Variants in SINHCAF observed in about 807,000 individuals in gnomAD.
SINHCAF encodes SIN3-HDAC complex associated factor.
In SINHCAF, 3 loss-of-function variants were observed where a neutral mutation model predicts 25.8. The observed-to-expected ratio is 0.12, with a 90% CI of 0.05 to 0.30. The LOEUF (loss-of-function observed/expected upper bound fraction) is 0.30, where lower values mean the gene tolerates loss of function less well. Ranked by LOEUF, SINHCAF falls within the 10% of genes least tolerant of loss-of-function variation. SINHCAF has a pLI of 1.00. For synonymous variants in SINHCAF, 70 were observed against 85.5 expected (o/e 0.82, Z 1.00); for missense variants, 121 against 262.3 (o/e 0.46, Z 3.72).
At chr12:31,320,105 C>T (rs959350191) in intron 1 of SINHCAF, among the ~76,000 whole-genome samples, 2 of 152,186 alleles carry the variant, frequency 1.3e-5, no homozygotes, top group African/African-American at 4.8e-5. Flanking sequence ...TCCCTACATC[C>T]TTTAAACATG....
At chr12:31,319,353 AC>A (rs1343540302) in intron 1 of SINHCAF, among the ~76,000 whole-genome samples, 1 of 152,098 alleles carries the variant, frequency 6.6e-6, no homozygotes, top group African/African-American at 2.4e-5. Context: ...ATGGTGAAAC[AC>A]CGTTTCTACT....
In SINHCAF at chr12:31,313,405, T is replaced by C. The variant is rs543542799; in HGVS notation, c.-21+12619A>G. ...TATGGGGCTGTATCTGAATGCTCTA[T>C]TCTTTTCATATAATTGTATATTATC... On this transcript the variant is annotated intron_variant, in intron 1 of 5. Transcript: ENST00000337682. Among the ~76,000 whole-genome samples the C allele has an allele frequency of 3.5e-3, 527 of 152,358 alleles. 2 individuals carry two copies. The Middle Eastern group carries it at 0.041, about 12-fold the overall frequency.
chr12:31,298,784 A>C (rs147432880), intron 1 of SINHCAF, among the ~76,000 whole-genome samples: 2 of 152,234 alleles, frequency 1.3e-5, no homozygotes, highest in South Asian at 2.1e-4. Flanking sequence ...TAAGCAGTCA[A>C]GTTTGCCCCT....
intron 1 of SINHCAF, among the ~76,000 whole-genome samples, chr12:31,319,219 C>T (rs1002374876): frequency 2.6e-5 from 4 of 152,184 alleles, no homozygotes; most frequent in African/African-American, 9.7e-5. Flanking sequence ...CTCACTAATC[C>T]TGTTTCCTCA....
intron 1 of SINHCAF, among the ~76,000 whole-genome samples, chr12:31,314,929 A>G (rs1352551744): frequency 6.6e-6 from 1 of 152,214 alleles, no homozygotes; most frequent in East Asian, 1.9e-4. Flanking sequence ...GTGGAATCAG[A>G]TGTTCTGCAG....
At chr12:31,284,102 G>A (rs553772580) in intron 5 of SINHCAF, among the ~76,000 whole-genome samples, 62 of 152,208 alleles carry the variant, frequency 4.1e-4, no homozygotes, top group South Asian at 2.1e-3. Flanking sequence ...GAATGGGAAC[G>A]TCTTCAACTT....
Position 31,324,759 on chromosome 12 carries a change from C to G in SINHCAF, c.-21+1265G>C. The stretch of plus-strand genomic sequence containing the variant: ...ATCACCCTGGGTAGGGGTCCGGACC[C>G]CGCGCCCCGAAGAGTCCGGAGCCTG... On this transcript the variant is annotated intron_variant, in intron 1 of 5. Coordinates refer to ENST00000337682, the MANE Select transcript of SINHCAF (RefSeq NM_001135812.2). The surrounding 1 kb of genome is among the most constrained non-coding windows in gnomAD (Gnocchi z 5.5). 2.8e-6 allele frequency: 1 copy of G among 354,104 alleles called. No individual in the cohort carries two copies. Among genetic ancestry groups the G allele is most frequent in the South Asian group, 2.1e-5 (1 of 48,388 alleles). 21.9% of individuals were successfully genotyped at this position (354,104 alleles called of 1,614,324 possible). A position where few individuals can be genotyped will look rare whatever the true frequency, so the allele number is the denominator to read the frequency against.
chr12:31,295,471 A>G (rs1938511323), intron 2 of SINHCAF, 138 bp from the exon 3 acceptor site: 3 of 618,046 alleles, frequency 4.9e-6, no homozygotes, highest in Non-Finnish European at 8.6e-6. Context: ...ATCCCATTCC[A>G]TTGTTTCTAT....
At chr12:31,285,418 T>TACACACACACACAC (rs71444392) in intron 5 of SINHCAF, among the ~76,000 whole-genome samples, 4,253 of 141,352 alleles carry the variant, frequency 0.03, 78 homozygotes, top group Non-Finnish European at 0.039. Flanking sequence ...TATATATACA[T>TACACACACACACAC]ACACACACAC....
chr12:31,322,707 T>C (rs1412550483), intron 1 of SINHCAF, among the ~76,000 whole-genome samples: 1 of 152,210 alleles, frequency 6.6e-6, no homozygotes, highest in Non-Finnish European at 1.5e-5. Flanking sequence ...TCAACTAGTA[T>C]CGATTTTTAG....
At chr12:31,297,496 CAG>C (rs1938598798) in intron 2 of SINHCAF, among the ~76,000 whole-genome samples, 5 of 115,318 alleles carry the variant, frequency 4.3e-5, no homozygotes, top group Admixed American at 4.0e-4. Flanking sequence ...TTTTTTGAGA[CAG>C]AGTCTCATTC....
intron 4 of SINHCAF, among the ~76,000 whole-genome samples, chr12:31,291,094 G>A (rs1333293392): frequency 4.6e-5 from 7 of 152,190 alleles, no homozygotes; most frequent in South Asian, 2.1e-4. Context: ...GCATCAAGTC[G>A]GTAGGGACAA....
chr12:31,290,143 T>G (rs1938246582), intron 4 of SINHCAF, among the ~76,000 whole-genome samples: 1 of 138,966 alleles, frequency 7.2e-6, no homozygotes, highest in African/African-American at 2.8e-5. Context: ...TTTTTGTTTT[T>G]GTTTGTTTGT....
At chr12:31,319,069 A>G (rs1351802934) in intron 1 of SINHCAF, among the ~76,000 whole-genome samples, 1 of 152,102 alleles carries the variant, frequency 6.6e-6, no homozygotes, top group African/African-American at 2.4e-5. Context: ...TTTCAGGGAG[A>G]CTTTAAGGTC....
chr12:31,303,291 G>T, intron 1 of SINHCAF: 1 of 896,612 alleles, frequency 1.1e-6, no homozygotes, highest in Non-Finnish European at 1.3e-6. Context: ...CATACTTCAT[G>T]TCCTTTTGTC....
In SINHCAF at chr12:31,325,337, G is replaced by GCT. The variant is rs1939926737; in HGVS notation, c.-21+685_-21+686dup. The GCT allele has an allele frequency of 2.4e-6, 1 of 422,006 alleles. No homozygotes were observed. Among genetic ancestry groups the GCT allele is most frequent in the African/African-American group, 2.1e-5 (1 of 48,754 alleles). 26.1% of individuals were successfully genotyped at this position (422,006 alleles called of 1,614,324 possible). A position where few individuals can be genotyped will look rare whatever the true frequency, so the allele number is the denominator to read the frequency against. On this transcript the variant is annotated intron_variant, in intron 1 of 5. Transcript: ENST00000337682. This position sits in a 1 kb window ranked among gnomAD's most constrained non-coding sequence, Gnocchi z 5.9. ...GGCTGTTTTTAAGCGACCGCGTGTT[G>GCT]CTCTCATTGTCGCATCCGCATCCCT...
chr12:31,315,217 T>C (rs541012338), intron 1 of SINHCAF, among the ~76,000 whole-genome samples: 14 of 152,234 alleles, frequency 9.2e-5, no homozygotes, highest in South Asian at 2.1e-4. Context: ...TCAGTGATGT[T>C]ATGCCTAAAG....
In SINHCAF at chr12:31,325,273, C is replaced by T. The variant is rs1939922659; in HGVS notation, c.-21+751G>A. On this transcript the variant is annotated intron_variant, in intron 1 of 5. Transcript: ENST00000337682. This position sits in a 1 kb window ranked among gnomAD's most constrained non-coding sequence, Gnocchi z 5.9. ...GAAAGCACCCCGGACACCAGAGGCT[C>T]TTGGGCGCGGTCCGAAGAGGGCAGG... is the stretch of plus-strand genomic sequence containing the variant. 2.2e-6 allele frequency: 1 copy of T among 456,608 alleles called. No individual in the cohort carries two copies. The highest frequency in any genetic ancestry group is 4.4e-6 in the Non-Finnish European group (1 of 226,906). 28.3% of individuals were successfully genotyped at this position (456,608 alleles called of 1,614,324 possible).
At chr12:31,291,753 G>A (rs543535142) in intron 4 of SINHCAF, among the ~76,000 whole-genome samples, 4 of 151,210 alleles carry the variant, frequency 2.6e-5, no homozygotes, top group Admixed American at 2.6e-4. Flanking sequence ...CTGGTTGACA[G>A]AGCAAGTTTG....
Sources: gnomAD v4.1 joint callset for allele counts (sites outside exome capture counted in the v4.1 genomes callset) on GRCh38, gnomAD v4.1.1 for gene constraint, Gnocchi (gnomAD v3.1) non-coding constraint, MANE v1.5 for transcripts, NCBI Gene and HGNC (gene_info 2026-07-23, HGNC 2026-07-21) for gene names.